WBP2NL: variants seen among roughly 807,000 people sequenced by gnomAD.
WBP2NL encodes WBP2 N-terminal like.
Under a neutral mutation model 23.3 loss-of-function variants are expected in WBP2NL, and 27 were observed. The ratio of observed to expected loss-of-function variants is 1.16; its 90% CI spans 0.85 to 1.60. WBP2NL has a LOEUF of 1.60. WBP2NL is among the 40% of genes most tolerant of loss of function. WBP2NL has a pLI of 0.00. For missense variants in WBP2NL, 370 were observed against 389.5 expected (o/e 0.95, Z 0.42); for synonymous variants, 151 against 145.9 (o/e 1.03, Z -0.25).
chr22:42,001,952 A>G, intron 1 of WBP2NL: 2 of 1,388,010 alleles, frequency 1.4e-6, no homozygotes, highest in Non-Finnish European at 1.9e-6. Flanking sequence ...CGAAGGACAC[A>G]GCAGCCTCTG....
At chr22:42,058,252 CAT>C (rs1215855522) in intron 8 of WBP2NL, 2 of 151,826 alleles carry the variant, frequency 1.3e-5, no homozygotes, top group Non-Finnish European at 2.9e-5. Context: ...CTGTTAGAGA[CAT>C]AGTGGTTTTT....
intron 4 of WBP2NL, among the ~76,000 whole-genome samples, chr22:42,020,402 G>A (rs1182646612): frequency 6.6e-6 from 1 of 152,090 alleles, no homozygotes; most frequent in East Asian, 1.9e-4. Flanking sequence ...AGATTTGCTG[G>A]CCTTTGTGGC....
chr22:42,037,485 G>A (rs1006206553), downstream of WBP2NL, among the ~76,000 whole-genome samples: 1 of 151,670 alleles, frequency 6.6e-6, no homozygotes. Context: ...TTTATAAAAA[G>A]TGCAATTGGG....
chr22:42,020,222 G>A (rs552571224), intron 4 of WBP2NL, 126 bp downstream of exon 4: 19 of 921,870 alleles, frequency 2.1e-5, no homozygotes, highest in Non-Finnish European at 3.0e-5. Context: ...TTGTATTTTT[G>A]TAAGTCGGGG....
chr22:42,054,632 T>G (rs2146827120), intron 8 of WBP2NL, among the ~76,000 whole-genome samples: 1 of 152,278 alleles, frequency 6.6e-6, no homozygotes, highest in South Asian at 2.1e-4. Flanking sequence ...TACATTCATT[T>G]TTTTTTACAT....
chr22:42,019,795 C>T lies in WBP2NL; in HGVS notation c.305C>T (p.Ala102Val). The T allele has an allele frequency of 6.2e-7, 1 of 1,614,178 alleles. No individual in the cohort carries two copies. Among genetic ancestry groups the T allele is most frequent in the Non-Finnish European group, 8.5e-7 (1 of 1,180,038 alleles). ...ANFIKGTIQA[A>V]PYGGWEGQAT... is the part of the protein sequence containing the mutation. ...TTCATTAAGGGAACTATTCAGGCAG[C>T]TCCATATGGTAAGTGTTCCCTCAGA... The change falls in exon 3 of 6, where the codon GCT (alanine) becomes GTT (valine). Residue 102 changes from alanine (A) to valine (V), a missense_variant. Physicochemically the swap from Ala to Val is moderately conservative, Grantham distance 64. Transcript: ENST00000328823.
At chr22:42,022,185 T>C in intron 4 of WBP2NL, 64 bp from the exon 5 acceptor site, 1 of 1,247,946 alleles carries the variant, frequency 8.0e-7, no homozygotes, top group Non-Finnish European at 1.2e-6. Context: ...ATTGTTTAGT[T>C]GATATCTGCT....
At chr22:42,031,717 A>G (rs1924958952), downstream of WBP2NL, 1 of 150,432 alleles carries the variant, frequency 6.6e-6, no homozygotes, top group East Asian at 1.9e-4. Flanking sequence ...TTTTTTCAAG[A>G]TAGAATCTGG....
chr22:42,029,296 A>G (rs1245833797), downstream of WBP2NL, among the ~76,000 whole-genome samples: 4 of 76,188 alleles, frequency 5.3e-5, no homozygotes, highest in South Asian at 5.0e-4. Flanking sequence ...GTGTCTAGGA[A>G]AAAAAAAAAA....
intron 1 of WBP2NL, among the ~76,000 whole-genome samples, chr22:42,009,030 C>T (rs1922566221): frequency 6.6e-6 from 1 of 152,016 alleles, no homozygotes; most frequent in African/African-American, 2.4e-5. Context: ...CCACCCGCCT[C>T]AGCCTCCCAA....
intron 2 of WBP2NL, 31 bp from the exon 3 acceptor site, chr22:42,019,631 T>C: frequency 6.2e-7 from 1 of 1,612,992 alleles, no homozygotes; most frequent in Non-Finnish European, 8.5e-7. Context: ...AAATTCTGCA[T>C]TCCTTTTCCA....
chr22:42,053,303 G>C (rs748161715), intron 8 of WBP2NL, among the ~76,000 whole-genome samples: 1 of 152,000 alleles, frequency 6.6e-6, no homozygotes, highest in Admixed American at 6.6e-5. Flanking sequence ...TCTTTGTGTA[G>C]GCATATTTTT....
At chr22:42,049,443 C>T (rs1925730857) in intron 8 of WBP2NL, among the ~76,000 whole-genome samples, 1 of 152,088 alleles carries the variant, frequency 6.6e-6, no homozygotes. Flanking sequence ...GTAATCCTAG[C>T]ACTTTGGGAG....
intron 8 of WBP2NL, among the ~76,000 whole-genome samples, chr22:42,044,945 C>A (rs1925527731): frequency 6.6e-6 from 1 of 151,978 alleles, no homozygotes. Context: ...TCCTGAATAG[C>A]TGGGACTACA....
downstream of WBP2NL, among the ~76,000 whole-genome samples, chr22:42,036,810 T>A (rs1298117894): frequency 1.3e-5 from 2 of 152,206 alleles, no homozygotes; most frequent in African/African-American, 4.8e-5. Context: ...TATGAGTTCC[T>A]TATATATTTT....
chr22:42,026,273 A>AAAT (rs3045492), intron 5 of WBP2NL, among the ~76,000 whole-genome samples: 10,751 of 140,178 alleles, frequency 0.077, 462 homozygotes, highest in South Asian at 0.092. Flanking sequence ...CCCCCTCTCA[A>AAAT]AATAATAATA....
In WBP2NL at chr22:42,027,172, C is replaced by G. The variant is rs749282929; in HGVS notation, c.921C>G (p.Val307=). 26 of 1,605,040 alleles carry G rather than the reference C, an allele frequency of 1.6e-5. No individual in the cohort carries two copies. Among genetic ancestry groups the G allele is most frequent in the Non-Finnish European group, 1.9e-5 (22 of 1,176,546 alleles). Reference sequence around the variant, plus strand: ...TTCCCTCTGCCTCCTCTTCTCAGGTCCATTCTTAACCTTCTAAGATGTAAA... The same window carrying G: ...TTCCCTCTGCCTCCTCTTCTCAGGTGCATTCTTAACCTTCTAAGATGTAAA... ...ASLPSASSSQ[V]HS Residue 307 remains valine, a synonymous_variant, in exon 6 of 6, where the codon GTC becomes GTG. Coordinates refer to ENST00000328823, the MANE Select transcript of WBP2NL (RefSeq NM_152613.3).
chr22:42,057,865 G>GTA (rs59053683), intron 8 of WBP2NL, among the ~76,000 whole-genome samples: 8 of 59,644 alleles, frequency 1.3e-4, no homozygotes, highest in African/African-American at 6.6e-4. Flanking sequence ...ATGTGTGTGT[G>GTA]TATGTATATA....
chr22:42,001,754 G>T, intron 1 of WBP2NL: 1 of 1,208,048 alleles, frequency 8.3e-7, no homozygotes, highest in Admixed American at 1.7e-5. Context: ...CCAGGTTACC[G>T]CACCAGGACA....
Sources: gnomAD v4.1 joint callset for allele counts (sites outside exome capture counted in the v4.1 genomes callset) on GRCh38, gnomAD v4.1.1 for gene constraint, MANE v1.5 for transcripts, NCBI Gene and HGNC (gene_info 2026-07-23, HGNC 2026-07-21) for gene names.